The following ARHGAP39 variants were observed in gnomAD, a reference collection of about 807,000 sequenced individuals.
The protein encoded by ARHGAP39 is Rho GTPase activating protein 39, also known as rho GTPase-activating protein 39.
Under a neutral mutation model 106.9 loss-of-function variants are expected in ARHGAP39, and 44 were observed. The ratio of observed to expected loss-of-function variants is 0.41; its 90% CI spans 0.32 to 0.53. ARHGAP39 has a LOEUF of 0.53. Among genes scored for constraint, ARHGAP39 ranks in the 20% least tolerant of loss-of-function variants. The pLI is 0.21. For missense variants in ARHGAP39, 1,496 were observed against 1,577.3 expected, an observed-to-expected ratio of 0.95 and a Z score of 0.87; for synonymous variants, 768 against 693.2, an observed-to-expected ratio of 1.11 and a Z score of -1.69.
intron 1 of ARHGAP39, among the ~76,000 whole-genome samples, chr8:144,636,088 C>T (rs1385073040): frequency 6.7e-6 from 1 of 150,148 alleles, no homozygotes; most frequent in Non-Finnish European, 1.5e-5. Context: ...ACCAGGCAGA[C>T]AGTGTGAGGA....
At chr8:144,552,559 T>C (rs934398124) in intron 4 of ARHGAP39, among the ~76,000 whole-genome samples, 1 of 152,240 alleles carries the variant, frequency 6.6e-6, no homozygotes, top group Non-Finnish European at 1.5e-5. Context: ...CACATTCGCC[T>C]GTGTTTCCTC....
At position 144,620,018 on chromosome 8, in the gene ARHGAP39, C is replaced by T. The variant is rs562103407; in HGVS notation, c.-81-14323G>A. The stretch of plus-strand genomic sequence containing the variant: ...TGCCCATGTGTGAGCCTGTGCGTCC[C>T]TGACAGTGTGTGCCGGTGTTTGTGT... On this transcript the variant is annotated intron_variant, in intron 1 of 11. Transcript: ENST00000377307. Among the ~76,000 whole-genome samples, 173 of 139,420 alleles carry T rather than the reference C, an allele frequency of 1.2e-3. 1 individual carries two copies. Among genetic ancestry groups the T allele is most frequent in the Non-Finnish European group, 2.2e-3 (141 of 65,394 alleles). 91.5% of individuals were successfully genotyped at this position (139,420 alleles called of 152,430 possible).
intron 7 of ARHGAP39, among the ~76,000 whole-genome samples, chr8:144,535,241 G>T (rs1350208230): frequency 2.6e-5 from 4 of 152,250 alleles, no homozygotes; most frequent in Admixed American, 2.0e-4. Context: ...AAGTGCACAC[G>T]TGTCTTGAGT....
At chr8:144,601,384 T>A (rs1159683509) in intron 2 of ARHGAP39, among the ~76,000 whole-genome samples, 1 of 78,544 alleles carries the variant, frequency 1.3e-5, no homozygotes, top group Admixed American at 1.5e-4. Flanking sequence ...GTGTGTGCGT[T>A]GAGGCGTGTG....
chr8:144,687,990 C>T (rs1287412465), upstream of ARHGAP39, among the ~76,000 whole-genome samples: 7 of 151,042 alleles, frequency 4.6e-5, 1 homozygote, highest in Non-Finnish European at 8.9e-5. Flanking sequence ...CACATACTAG[C>T]GGTGAGCACT....
At chr8:144,633,373 C>A (rs549093821) in intron 1 of ARHGAP39, among the ~76,000 whole-genome samples, 1 of 151,838 alleles carries the variant, frequency 6.6e-6, no homozygotes, top group African/African-American at 2.4e-5. Context: ...GCAGGAGAAT[C>A]GCTTGAACCT....
intron 3 of ARHGAP39, among the ~76,000 whole-genome samples, chr8:144,559,218 A>C (rs145629994): frequency 1.3e-5 from 2 of 151,988 alleles, no homozygotes; most frequent in South Asian, 2.1e-4. Flanking sequence ...AAAACAAAAA[A>C]CAAAAAAACA....
rs1020673793 is a variant in ARHGAP39, at chr8:144,679,940, G to A, written c.-82+5746C>T. Among the ~76,000 whole-genome samples, 5 of 152,054 alleles carry A rather than the reference G, an allele frequency of 3.3e-5. No homozygotes were observed. Among genetic ancestry groups the A allele is most frequent in the South Asian group, 2.1e-4 (1 of 4,814 alleles). ...GCTTGCAGTGAGTCGAGATCGCGCCGCCGCACTCCAGCCTGGACGACAGAG... is the reference window on the plus strand; with the variant it reads ...GCTTGCAGTGAGTCGAGATCGCGCCACCGCACTCCAGCCTGGACGACAGAG... On this transcript the variant is annotated intron_variant, in intron 1 of 11. Coordinates refer to ENST00000377307, the MANE Select transcript of ARHGAP39 (RefSeq NM_025251.3). This position sits in a 1 kb window ranked among gnomAD's most constrained non-coding sequence, Gnocchi z 4.7.
the ARHGAP39 span, among the ~76,000 whole-genome samples, chr8:144,692,274 C>T: frequency 6.6e-6 from 1 of 152,198 alleles, no homozygotes; most frequent in African/African-American, 2.4e-5. Context: ...CCCAATGCCC[C>T]GCCCCAGCTC....
intron 3 of ARHGAP39, among the ~76,000 whole-genome samples, chr8:144,567,978 C>T (rs963456328): frequency 4.6e-5 from 7 of 151,378 alleles, no homozygotes; most frequent in Non-Finnish European, 8.8e-5. Flanking sequence ...TTTCTTTTAT[C>T]TCTTTGTCTT....
intron 2 of ARHGAP39, 88 bp downstream of exon 2, chr8:144,605,447 T>C (rs1586608006): frequency 3.6e-6 from 5 of 1,381,544 alleles, no homozygotes; most frequent in Non-Finnish European, 5.1e-6. Context: ...CGGAGAATCC[T>C]GCATGCACAC....
chr8:144,579,366 T>C (rs994185687), intron 3 of ARHGAP39, among the ~76,000 whole-genome samples: 1 of 152,150 alleles, frequency 6.6e-6, no homozygotes, highest in African/African-American at 2.4e-5. Flanking sequence ...GTGGATAACT[T>C]TGAACCCTCA....
In ARHGAP39 at chr8:144,684,947, C is replaced by T. The variant is rs1822538913; in HGVS notation, c.-82+739G>A. The stretch of plus-strand genomic sequence containing the variant: ...TGCACCGCAGCGCACCGCAGCCCTG[C>T]ACCCGGGCCGCCCTTCAGGACGCGG... On this transcript the variant is annotated intron_variant, in intron 1 of 11. Transcript: ENST00000377307. This position sits in a 1 kb window ranked among gnomAD's most constrained non-coding sequence, Gnocchi z 4.4. 1.3e-5 allele frequency among the ~76,000 whole-genome samples: 2 copies of T among 152,230 alleles called. No individual in the cohort carries two copies. The highest frequency in any genetic ancestry group is 2.1e-4 in the South Asian group (1 of 4,834).
chr8:144,643,355 G>A (rs1317127352), intron 1 of ARHGAP39, among the ~76,000 whole-genome samples: 8 of 152,152 alleles, frequency 5.3e-5, no homozygotes, highest in African/African-American at 1.4e-4. Context: ...TTGGGAGGCC[G>A]AGTGGGAGGA....
chr8:144,558,285 C>T, intron 3 of ARHGAP39, among the ~76,000 whole-genome samples: 1 of 151,300 alleles, frequency 6.6e-6, no homozygotes, highest in Non-Finnish European at 1.5e-5. Flanking sequence ...TGTTTAATGT[C>T]TTTTTTTTTG....
In ARHGAP39 at chr8:144,547,493, G is replaced by T; in HGVS notation, c.1593C>A (p.Thr531=). The T allele has an allele frequency of 6.6e-7, 1 of 1,512,010 alleles. No homozygotes were observed. Among genetic ancestry groups the T allele is most frequent in the South Asian group, 1.3e-5 (1 of 78,812 alleles). The allele number at this position is 1,512,010 out of a possible 1,614,324, so 93.7% of individuals were successfully genotyped here. Reference sequence around the variant, plus strand: ...CCGCTCGCTTCACGGGGGCGAGGCTGGTCCCGCACGGGGGCTGTTCCTCGG... The same window carrying T: ...CCGCTCGCTTCACGGGGGCGAGGCTTGTCCCGCACGGGGGCTGTTCCTCGG... ...PLAEEQPPCG[T]SLAPVKRAEG... Residue 531 remains threonine, a synonymous_variant, in exon 5 of 12, where the codon ACC becomes ACA. Transcript: ENST00000377307. The surrounding 1 kb of genome is among the most constrained non-coding windows in gnomAD (Gnocchi z 5.2).
At chr8:144,680,972 C>G (rs1822400909) in intron 1 of ARHGAP39, among the ~76,000 whole-genome samples, 1 of 152,102 alleles carries the variant, frequency 6.6e-6, no homozygotes, top group Non-Finnish European at 1.5e-5. Flanking sequence ...GTGACCAACA[C>G]GAGTTTTAGG....
chr8:144,557,329 A>C (rs1359020972), intron 3 of ARHGAP39, among the ~76,000 whole-genome samples: 1 of 146,156 alleles, frequency 6.8e-6, no homozygotes, highest in Non-Finnish European at 1.5e-5. Context: ...TAGTATTCAG[A>C]GGCAAAGGCT....
chr8:144,672,529 G>A (rs1822125119), intron 1 of ARHGAP39, among the ~76,000 whole-genome samples: 1 of 152,124 alleles, frequency 6.6e-6, no homozygotes, highest in Non-Finnish European at 1.5e-5. Flanking sequence ...AGGGGTTCTG[G>A]ACCCTGTGTC....
Sources: gnomAD v4.1 joint callset for allele counts (sites outside exome capture counted in the v4.1 genomes callset) on GRCh38, gnomAD v4.1.1 for gene constraint, Gnocchi (gnomAD v3.1) non-coding constraint, MANE v1.5 for transcripts, NCBI Gene and HGNC (gene_info 2026-07-23, HGNC 2026-07-21) for gene names.